Variants in CSMD1 observed in about 807,000 individuals in gnomAD.
The protein encoded by CSMD1 is CUB and sushi domain-containing protein 1.
CSMD1 carries 213 observed loss-of-function variants against 417.5 expected under a neutral mutation model. The ratio of observed to expected loss-of-function variants is 0.51; its 90% CI spans 0.46 to 0.57. CSMD1 has a LOEUF of 0.57. Ranked by LOEUF, CSMD1 falls within the 20% of genes least tolerant of loss-of-function variation. The pLI is 0.00. For synonymous variants in CSMD1, 2,862 were observed against 1,736.8 expected (o/e 1.65, Z -16.11); for missense variants, 6,923 against 4,529.7 (o/e 1.53, Z -15.17).
intron 2 of CSMD1, among the ~76,000 whole-genome samples, chr8:4,427,192 G>C (rs565208227): frequency 3.3e-5 from 5 of 152,098 alleles, no homozygotes; most frequent in Admixed American, 6.6e-5. Context: ...GGGTGTGCAG[G>C]GACCATCTAA....
chr8:4,423,581 T>A (rs1402618922), intron 2 of CSMD1, among the ~76,000 whole-genome samples: 3 of 152,084 alleles, frequency 2.0e-5, no homozygotes, highest in African/African-American at 4.8e-5. Context: ...TATACCATGT[T>A]AATAGTATGG....
chr8:4,323,026 G>A (rs1799355668), intron 3 of CSMD1, among the ~76,000 whole-genome samples: 1 of 152,116 alleles, frequency 6.6e-6, no homozygotes, highest in East Asian at 1.9e-4. Context: ...AAATGCAGCA[G>A]GAATCTGAGA....
chr8:3,735,721 C>T (rs1010783080), intron 6 of CSMD1, among the ~76,000 whole-genome samples: 4 of 152,152 alleles, frequency 2.6e-5, no homozygotes, highest in Non-Finnish European at 5.9e-5. Flanking sequence ...AACAGAAACT[C>T]GTTTGGAGCA....
intron 1 of CSMD1, among the ~76,000 whole-genome samples, chr8:4,986,889 G>T (rs986597925): frequency 1.3e-5 from 2 of 152,090 alleles, no homozygotes; most frequent in Non-Finnish European, 2.9e-5. Context: ...AACGTTATTA[G>T]ATTTTGATCA....
chr8:4,279,780 A>T (rs1294177488), intron 3 of CSMD1, among the ~76,000 whole-genome samples: 1 of 152,198 alleles, frequency 6.6e-6, no homozygotes, highest in Non-Finnish European at 1.5e-5. Flanking sequence ...TAAGATATGG[A>T]GGAGGCCAGG....
At chr8:4,245,173 C>A (rs761263489) in intron 3 of CSMD1, among the ~76,000 whole-genome samples, 3 of 152,202 alleles carry the variant, frequency 2.0e-5, no homozygotes, top group African/African-American at 7.2e-5. Flanking sequence ...CATTCCCCAT[C>A]TTATTAGTGG....
In CSMD1 at chr8:3,560,269, C is replaced by G. The variant is rs564631104; in HGVS notation, c.1344+14676G>C. Among the ~76,000 whole-genome samples the G allele has an allele frequency of 7.9e-5, 12 of 152,188 alleles. No individual in the cohort carries two copies. In the East Asian group the frequency reaches 2.3e-3, roughly 29 times the overall value. On this transcript the variant is annotated intron_variant, in intron 10 of 69. Coordinates refer to ENST00000635120, the MANE Select transcript of CSMD1 (RefSeq NM_033225.6). Reference sequence around the variant, plus strand: ...ATATTAACAGTAGTACTGTTAATTACTTAGAAGCATTTCCACATGCATCAT... The same window carrying G: ...ATATTAACAGTAGTACTGTTAATTAGTTAGAAGCATTTCCACATGCATCAT...
At chr8:3,246,550 C>G (rs987576414) in intron 26 of CSMD1, among the ~76,000 whole-genome samples, 1 of 152,184 alleles carries the variant, frequency 6.6e-6, no homozygotes, top group Admixed American at 6.5e-5. Context: ...GGGCTCACTG[C>G]AACCGCCACC....
At chr8:3,048,304 A>G (rs560376019) in intron 50 of CSMD1, among the ~76,000 whole-genome samples, 46 of 152,346 alleles carry the variant, frequency 3.0e-4, no homozygotes, top group Non-Finnish European at 5.1e-4. Flanking sequence ...CATTTTGAAA[A>G]AAAGTGTCCG....
At chr8:4,532,005 T>G (rs185408923) in intron 2 of CSMD1, among the ~76,000 whole-genome samples, 2 of 143,136 alleles carry the variant, frequency 1.4e-5, no homozygotes, top group Non-Finnish European at 3.0e-5. Context: ...GCACCCCCAT[T>G]CAGTCACTCC....
chr8:3,964,145 G>C (rs1361452494), intron 5 of CSMD1, among the ~76,000 whole-genome samples: 2 of 152,182 alleles, frequency 1.3e-5, no homozygotes, highest in East Asian at 1.9e-4. Context: ...ATTCACCCAA[G>C]AGGGTGAAGA....
rs1201358632 is a variant in CSMD1, at chr8:4,783,110, T to C, written c.86-145552A>G. On this transcript the variant is annotated intron_variant, in intron 1 of 69. Coordinates refer to ENST00000635120, the MANE Select transcript of CSMD1 (RefSeq NM_033225.6). ...ATCAATTCAGTCCACAGATATTCAA[T>C]CACAGAGTTAACATGTCATATGTAA... 2.6e-5 allele frequency among the ~76,000 whole-genome samples: 4 copies of C among 152,314 alleles called. No homozygotes were observed. The East Asian group carries it at 7.7e-4, about 29-fold the overall frequency.
chr8:3,235,935 T>TTTTTTTTTTG (rs1799127758), intron 26 of CSMD1, among the ~76,000 whole-genome samples: 1 of 148,610 alleles, frequency 6.7e-6, no homozygotes, highest in African/African-American at 2.5e-5. Flanking sequence ...TTTTTTTTTT[T>TTTTTTTTTTG]GAGACAGAGT....
At chr8:3,527,152 C>T (rs752192869) in intron 10 of CSMD1, among the ~76,000 whole-genome samples, 11 of 152,068 alleles carry the variant, frequency 7.2e-5, no homozygotes, top group Non-Finnish European at 1.0e-4. Context: ...TCTCTCTCCA[C>T]GTTTTTATAA....
At chr8:4,422,390 G>T (rs1256931912) in intron 2 of CSMD1, among the ~76,000 whole-genome samples, 1 of 152,096 alleles carries the variant, frequency 6.6e-6, no homozygotes, top group East Asian at 1.9e-4. Flanking sequence ...TGGAAATGGG[G>T]CTTTACAGAG....
At chr8:3,661,363 C>A (rs907749989) in intron 7 of CSMD1, among the ~76,000 whole-genome samples, 8 of 152,174 alleles carry the variant, frequency 5.3e-5, no homozygotes, top group African/African-American at 1.4e-4. Context: ...CACCTCACTG[C>A]AGATTTCTGT....
intron 2 of CSMD1, among the ~76,000 whole-genome samples, chr8:4,534,397 G>C (rs1000122838): frequency 6.6e-6 from 1 of 152,080 alleles, no homozygotes; most frequent in Non-Finnish European, 1.5e-5. Flanking sequence ...ATTGAAACTT[G>C]TTTTCACTCA....
chr8:4,401,808 C>A (rs1357006050), intron 3 of CSMD1, among the ~76,000 whole-genome samples: 2 of 152,138 alleles, frequency 1.3e-5, no homozygotes, highest in Non-Finnish European at 2.9e-5. Context: ...CTCTCACTCA[C>A]CCCTCCGTTC....
At chr8:4,878,776 T>G (rs73659219) in intron 1 of CSMD1, among the ~76,000 whole-genome samples, 3,426 of 151,562 alleles carry the variant, frequency 0.023, 147 homozygotes, top group African/African-American at 0.074. Context: ...GTTTTAAGAT[T>G]ATAGTTTGAG....
Sources: allele counts gnomAD v4.1 joint callset (sites outside exome capture counted in the v4.1 genomes callset), GRCh38; gene constraint gnomAD v4.1.1; transcripts MANE v1.5; gene names NCBI Gene and HGNC (gene_info 2026-07-23, HGNC 2026-07-21).